TRIP10: variants seen among roughly 807,000 people sequenced by gnomAD.
TRIP10 encodes cdc42-interacting protein 4.
In TRIP10, 54 loss-of-function variants were observed where a neutral mutation model predicts 80.9. The observed-to-expected ratio is 0.67, with a 90% CI of 0.54 to 0.84. The LOEUF is 0.84. Ranked by LOEUF, TRIP10 falls within the 40% of genes least tolerant of loss-of-function variation. The pLI is 0.00. For missense variants in TRIP10, 773 were observed against 815.3 expected (o/e 0.95, Z 0.63); for synonymous variants, 321 against 307.2 (o/e 1.04, Z -0.47).
At position 6,745,122 on chromosome 19, in the gene TRIP10, A is replaced by G; in HGVS notation, c.984+128A>G. ...GGCAGGAATTTTCCTCTTGGCTGCC[A>G]GCCCGGACTGGAGGGAAGGAAGGCG... On this transcript the variant is annotated intron_variant, in intron 9 of 14. Transcript: ENST00000313244. This position sits in a 1 kb window ranked among gnomAD's most constrained non-coding sequence, Gnocchi z 7.2. 7.7e-7 allele frequency: 1 copy of G among 1,301,970 alleles called. No individual in the cohort carries two copies. The highest frequency in any genetic ancestry group is 1.0e-6 in the Non-Finnish European group (1 of 983,066). The allele number at this position is 1,301,970 out of a possible 1,614,324, so 80.7% of individuals were successfully genotyped here. A position where few individuals can be genotyped will look rare whatever the true frequency, so the allele number is the denominator to read the frequency against.
chr19:6,741,636 G>A (rs748828641), intron 3 of TRIP10, among the ~76,000 whole-genome samples: 3 of 152,126 alleles, frequency 2.0e-5, no homozygotes, highest in Admixed American at 2.0e-4. Context: ...GCTTTGTAGG[G>A]CTTTCATGAA....
chr19:6,742,792 A>C (rs1968960623), intron 3 of TRIP10, among the ~76,000 whole-genome samples, 175 bp from the exon 4 acceptor site: 1 of 152,066 alleles, frequency 6.6e-6, no homozygotes, highest in African/African-American at 2.4e-5. Context: ...AAAAAAAAAA[A>C]AAAAAAATCT....
chr19:6,742,918 C>T (rs376142927), intron 3 of TRIP10, 49 bp from the exon 4 acceptor site: 178 of 1,602,162 alleles, frequency 1.1e-4, no homozygotes, highest in Non-Finnish European at 1.4e-4. Context: ...TCAGCCTGCT[C>T]GGGAGGAGGG....
intron 4 of TRIP10, 37 bp from the exon 5 acceptor site, chr19:6,743,157 G>A (rs1968974296): frequency 1.9e-6 from 3 of 1,614,112 alleles, no homozygotes; most frequent in Non-Finnish European, 2.5e-6. Context: ...GGCTTCTGCT[G>A]GAACCCTGGC....
chr19:6,742,426 T>C (rs1968944984), intron 3 of TRIP10, among the ~76,000 whole-genome samples: 1 of 151,908 alleles, frequency 6.6e-6, no homozygotes, highest in South Asian at 2.1e-4. Flanking sequence ...TACAAAATGA[T>C]GTCCCCAACC....
At chr19:6,749,337 G>GC (rs368025780) in intron 11 of TRIP10, among the ~76,000 whole-genome samples, 7 of 152,218 alleles carry the variant, frequency 4.6e-5, no homozygotes, top group African/African-American at 1.7e-4. Context: ...TAGGTATCAG[G>GC]CATTGTATTA....
rs1251578155 is a variant in TRIP10 at position 6,739,737 on chromosome 19, C to T, written c.-25C>T. The T allele has an allele frequency of 1.5e-6, 2 of 1,356,312 alleles. No individual in the cohort carries two copies. Among genetic ancestry groups the T allele is most frequent in the South Asian group, 2.0e-5 (1 of 50,744 alleles). 84.0% of individuals were successfully genotyped at this position (1,356,312 alleles called of 1,614,324 possible). ...CGGCGGGGACCGGGTGCGGTGGTGG[C>T]TGCGGCGGCGGCGGCGGGAGCAGCA... is the stretch of plus-strand genomic sequence containing the variant. On this transcript the variant is annotated 5_prime_UTR_variant, in exon 1 of 15. Transcript: ENST00000313244.
In TRIP10 at chr19:6,745,121, C is replaced by A. The variant is rs571561775; in HGVS notation, c.984+127C>A. 1 of 1,303,860 alleles carries A rather than the reference C, an allele frequency of 7.7e-7. No homozygotes were observed. Among genetic ancestry groups the A allele is most frequent in the Non-Finnish European group, 1.0e-6 (1 of 984,176 alleles). The allele number at this position is 1,303,860 out of a possible 1,614,324, so 80.8% of individuals were successfully genotyped here. A position where few individuals can be genotyped will look rare whatever the true frequency, so the allele number is the denominator to read the frequency against. On this transcript the variant is annotated intron_variant, in intron 9 of 14. Coordinates refer to ENST00000313244, the MANE Select transcript of TRIP10 (RefSeq NM_001288962.2). This position sits in a 1 kb window ranked among gnomAD's most constrained non-coding sequence, Gnocchi z 7.2. ...GGGCAGGAATTTTCCTCTTGGCTGC[C>A]AGCCCGGACTGGAGGGAAGGAAGGC...
At chr19:6,750,132 G>A (rs948402144) in intron 12 of TRIP10, 66 bp downstream of exon 12, 16 of 1,547,564 alleles carry the variant, frequency 1.0e-5, no homozygotes, top group Non-Finnish European at 1.4e-5. Flanking sequence ...TGGGTGGGGT[G>A]GGGGGTCGGG....
intron 12 of TRIP10, 39 bp from the exon 13 acceptor site, chr19:6,750,253 G>T: frequency 6.2e-7 from 1 of 1,610,984 alleles, no homozygotes; most frequent in Non-Finnish European, 8.5e-7. Flanking sequence ...TGACCCCGGA[G>T]CTCTGCCCTG....
At position 6,744,004 on chromosome 19, in the gene TRIP10, C is replaced by A; in HGVS notation, c.642+168C>A. Reference sequence around the variant, plus strand: ...TGCTTTTAGTCAGCTGTTCTTCCTGCTGGGCATGCCTTTTACTTGTTTGTT... The same window carrying A: ...TGCTTTTAGTCAGCTGTTCTTCCTGATGGGCATGCCTTTTACTTGTTTGTT... On this transcript the variant is annotated intron_variant, in intron 7 of 14. Transcript: ENST00000313244. This position sits in a 1 kb window ranked among gnomAD's most constrained non-coding sequence, Gnocchi z 4.9. The A allele has an allele frequency of 2.2e-6, 2 of 907,640 alleles. No individual in the cohort carries two copies. The highest frequency in any genetic ancestry group is 3.3e-6 in the Non-Finnish European group (2 of 603,408). The allele number at this position is 907,640 out of a possible 1,614,324, so 56.2% of individuals were successfully genotyped here.
At chr19:6,741,688 T>C (rs947694501) in intron 3 of TRIP10, among the ~76,000 whole-genome samples, 4 of 152,096 alleles carry the variant, frequency 2.6e-5, no homozygotes, top group Non-Finnish European at 5.9e-5. Context: ...GCAGTCCATA[T>C]CAAACGCCGT....
intron 12 of TRIP10, 36 bp downstream of exon 12, chr19:6,750,102 G>A (rs778571607): frequency 8.1e-6 from 13 of 1,602,462 alleles, no homozygotes; most frequent in Admixed American, 1.7e-5. Context: ...GGGAGCCAGC[G>A]GGCCTGGCTG....
At position 6,750,532 on chromosome 19, in the gene TRIP10, A is replaced by T. The variant is rs763558104; in HGVS notation, c.1556A>T (p.Glu519Val). 2.5e-6 allele frequency: 4 copies of T among 1,614,036 alleles called. No homozygotes were observed. The highest frequency in any genetic ancestry group is 3.4e-6 in the Non-Finnish European group (4 of 1,180,018). ...AACAGCTCTGAAGAGCCTCCCTCAG[A>T]AGAGAGCCAGGACACCCCCATTTAC... Reference protein sequence around the residue: ...TKESSEEPPSEESQDTPIYTE... With the variant: ...TKESSEEPPSVESQDTPIYTE... Residue 519 changes from glutamate (E) to valine (V), a missense_variant, in exon 14 of 15, where the codon GAA becomes GTA. By Grantham distance (121) the Glu-to-Val change is moderately radical. Coordinates refer to ENST00000313244, the MANE Select transcript of TRIP10 (RefSeq NM_001288962.2).
rs145584075 is a variant in TRIP10, at chr19:6,743,615, C to CGGGGGG, written c.513+22_513+27dup. 1.5e-4 allele frequency: 112 copies of CGGGGGG among 771,252 alleles called. No homozygotes were observed. Among genetic ancestry groups the CGGGGGG allele is most frequent in the South Asian group, 4.8e-4 (24 of 50,262 alleles). 47.8% of individuals were successfully genotyped at this position (771,252 alleles called of 1,614,324 possible). On this transcript the variant is annotated intron_variant, in intron 6 of 14. Transcript: ENST00000313244. Reference sequence around the variant, plus strand: ...GTGGAGAAGGTGTGTGTGGCGGGGGCGGGGGGGGGGTGCGGGGTCTGGGAC... The same window carrying CGGGGGG: ...GTGGAGAAGGTGTGTGTGGCGGGGGCGGGGGGGGGGGGGGGGTGCGGGGTCTGGGAC...
chr19:6,749,878 C>CA (rs1186584657), intron 11 of TRIP10, 56 bp from the exon 12 acceptor site: 17 of 1,579,126 alleles, frequency 1.1e-5, no homozygotes, highest in African/African-American at 1.4e-5. Context: ...ACAACAGCAA[C>CA]AAAAAAACTC....
Position 6,744,874 on chromosome 19 carries a change from C to T in TRIP10, c.864C>T (p.Ser288=). 1 of 1,614,246 alleles carries T rather than the reference C, an allele frequency of 6.2e-7. No individual in the cohort carries two copies. The highest frequency in any genetic ancestry group is 1.1e-5 in the South Asian group (1 of 91,090). ...GCGACGTGGAATTCGAGGACTTCAG[C>T]CAGCCCATGAACCGTGCACCCTCCG... ...RPGDVEFEDF[S]QPMNRAPSDS... is the part of the protein sequence containing the mutation. The change falls in exon 9 of 15, where the codon AGC becomes AGT. Residue 288 remains serine, a synonymous_variant. Transcript: ENST00000313244. This position sits in a 1 kb window ranked among gnomAD's most constrained non-coding sequence, Gnocchi z 4.9.
At position 6,746,260 on chromosome 19, in the gene TRIP10, A is replaced by G. The variant is rs1487908815; in HGVS notation, c.1152+64A>G. The G allele has an allele frequency of 8.1e-6, 12 of 1,481,542 alleles. No homozygotes were observed. The highest frequency in any genetic ancestry group is 1.1e-5 in the Non-Finnish European group (12 of 1,110,040). The allele number at this position is 1,481,542 out of a possible 1,614,324, so 91.8% of individuals were successfully genotyped here. A position where few individuals can be genotyped will look rare whatever the true frequency, so the allele number is the denominator to read the frequency against. ...AGCCTGCCCAGCGGCGGGTGGCGGG[A>G]CCCTGGGCTCGCTTCCTGCCGCTGG... On this transcript the variant is annotated intron_variant, in intron 10 of 14. Transcript: ENST00000313244. This position sits in a 1 kb window ranked among gnomAD's most constrained non-coding sequence, Gnocchi z 6.2.
chr19:6,749,837 C>T (rs570956418), intron 11 of TRIP10, 97 bp from the exon 12 acceptor site: 1 of 1,508,466 alleles, frequency 6.6e-7, no homozygotes, highest in African/African-American at 1.4e-5. Flanking sequence ...GGGAAAGAGT[C>T]AGAATGAGAC....
Sources: gnomAD v4.1 joint callset for allele counts (sites outside exome capture counted in the v4.1 genomes callset) on GRCh38, gnomAD v4.1.1 for gene constraint, Gnocchi (gnomAD v3.1) non-coding constraint, MANE v1.5 for transcripts, NCBI Gene and HGNC (gene_info 2026-07-23, HGNC 2026-07-21) for gene names.